The following RPS6KA2 variants were observed in gnomAD, a reference collection of about 807,000 sequenced individuals.
RPS6KA2 encodes the protein ribosomal protein S6 kinase alpha-2.
A neutral mutation model predicts 91.8 loss-of-function variants in RPS6KA2; 42 were observed. The ratio of observed to expected loss-of-function variants is 0.46; its 90% CI spans 0.36 to 0.59. The LOEUF (loss-of-function observed/expected upper bound fraction) is 0.59. RPS6KA2 is among the 20% of genes least tolerant of loss of function. The probability of loss-of-function intolerance (pLI) is 0.00; values close to 1 mark genes in which losing one functional copy is unlikely to be tolerated. For missense variants in RPS6KA2, 798 were observed against 978.5 expected, an observed-to-expected ratio of 0.82 and a Z score of 2.46; for synonymous variants, 414 against 393.6, an observed-to-expected ratio of 1.05 and a Z score of -0.61.
At chr6:166,690,569 T>G (rs1378986247) in intron 2 of RPS6KA2, among the ~76,000 whole-genome samples, 1 of 152,140 alleles carries the variant, frequency 6.6e-6, no homozygotes, top group African/African-American at 2.4e-5. Flanking sequence ...GCGTCGGAAC[T>G]CCAGGCGTCC....
rs935975039 is a variant in RPS6KA2, at chr6:166,433,529, G to A, written c.1333-1039C>T. On this transcript the variant is annotated intron_variant, in intron 14 of 20. Transcript: ENST00000265678. The surrounding 1 kb of genome is among the most constrained non-coding windows in gnomAD (Gnocchi z 4.4). ...AGGGCACCACACTCATGGGAAATTG[G>A]CAACATGCAACATGTATTTTGCAAA... 1.3e-5 allele frequency among the ~76,000 whole-genome samples: 2 copies of A among 152,172 alleles called. No individual in the cohort carries two copies. Among genetic ancestry groups the A allele is most frequent in the Non-Finnish European group, 2.9e-5 (2 of 68,032 alleles).
At chr6:166,503,333 G>T (rs751730908) in intron 6 of RPS6KA2, among the ~76,000 whole-genome samples, 1 of 152,278 alleles carries the variant, frequency 6.6e-6, no homozygotes, top group African/African-American at 2.4e-5. Context: ...GATATGGGAT[G>T]TGACCTGGTT....
chr6:166,487,546 T>G (rs1344504863), intron 10 of RPS6KA2, among the ~76,000 whole-genome samples: 1 of 152,110 alleles, frequency 6.6e-6, no homozygotes, highest in East Asian at 1.9e-4. Context: ...AAATATCTGC[T>G]TACACAGAGG....
chr6:166,726,112 A>T lies in RPS6KA2; in HGVS notation c.123+132088T>A, dbSNP rs1790330163. Among the ~76,000 whole-genome samples, 1 of 148,082 alleles carries T rather than the reference A, an allele frequency of 6.8e-6. No individual in the cohort carries two copies. The highest frequency in any genetic ancestry group is 2.6e-5 in the African/African-American group (1 of 38,390). ...TTTTAGGTCCTACAGAAATGCCCTT[A>T]GGCTACAATATAGAAGATTTTTTTT... On this transcript the variant is annotated intron_variant, in intron 2 of 21. Coordinates refer to the RPS6KA2 transcript ENST00000503859. The surrounding 1 kb of genome is among the most constrained non-coding windows in gnomAD (Gnocchi z 4.4).
chr6:166,568,414 G>A (rs1784568698), intron 1 of RPS6KA2, among the ~76,000 whole-genome samples: 1 of 152,000 alleles, frequency 6.6e-6, no homozygotes, highest in Admixed American at 6.5e-5. Context: ...AGGAATTCGA[G>A]ACCAGCCTGG....
intron 2 of RPS6KA2, among the ~76,000 whole-genome samples, chr6:166,687,002 C>T (rs1789042243): frequency 6.6e-6 from 1 of 152,222 alleles, no homozygotes; most frequent in Non-Finnish European, 1.5e-5. Context: ...CTGTCTGCGC[C>T]CATTCTCCAT....
intron 16 of RPS6KA2, among the ~76,000 whole-genome samples, chr6:166,424,719 C>A (rs1778847571): frequency 6.6e-6 from 1 of 152,202 alleles, no homozygotes; most frequent in Non-Finnish European, 1.5e-5. Flanking sequence ...CAGCCTGGAT[C>A]ACGGTGAGGC....
intron 2 of RPS6KA2, among the ~76,000 whole-genome samples, chr6:166,695,027 G>C (rs775878743): frequency 2.6e-5 from 4 of 152,216 alleles, no homozygotes; most frequent in Non-Finnish European, 5.9e-5. Context: ...GTGAGGAAGA[G>C]AGATGCTATC....
In RPS6KA2 at chr6:166,517,630, C is replaced by T. The variant is rs568226974; in HGVS notation, c.299-7273G>A. The stretch of plus-strand genomic sequence containing the variant: ...AGCTGGGACTACAGGCGCCCGCCAC[C>T]GCGCCCGGCTAATTTTTTGTATTTT... On this transcript the variant is annotated intron_variant, in intron 3 of 20. Coordinates refer to ENST00000265678, the MANE Select transcript of RPS6KA2 (RefSeq NM_021135.6). Among the ~76,000 whole-genome samples the T allele has an allele frequency of 8.2e-4, 124 of 151,434 alleles. 2 individuals are homozygous for T. The East Asian group carries it at 0.02, about 24-fold the overall frequency.
chr6:166,742,298 GA>G (rs1321876180), intron 2 of RPS6KA2, among the ~76,000 whole-genome samples: 1 of 152,200 alleles, frequency 6.6e-6, no homozygotes, highest in Non-Finnish European at 1.5e-5. Flanking sequence ...AGCTCAAGAA[GA>G]AATCTCTTCA....
chr6:166,532,290 C>A (rs1326376932), intron 2 of RPS6KA2, among the ~76,000 whole-genome samples: 2 of 152,232 alleles, frequency 1.3e-5, no homozygotes, highest in African/African-American at 2.4e-5. Context: ...AGGGACATGG[C>A]TGGGACCTTT....
At chr6:166,775,654 G>T (rs1778596624) in intron 2 of RPS6KA2, among the ~76,000 whole-genome samples, 1 of 152,230 alleles carries the variant, frequency 6.6e-6, no homozygotes, top group Non-Finnish European at 1.5e-5. Context: ...TGAAGTATCA[G>T]CTACCTGAGG....
rs182683780 is a variant in RPS6KA2, at chr6:166,734,470, C to T, written c.123+123730G>A. Among the ~76,000 whole-genome samples the T allele has an allele frequency of 3.3e-4, 50 of 152,312 alleles. 1 individual carries two copies. The highest frequency in any genetic ancestry group is 1.5e-5 in the Non-Finnish European group (1 of 68,032). On this transcript the variant is annotated intron_variant, in intron 2 of 21. Transcript: ENST00000503859. ...CTATCAGCAAGCCATCACCATCTTA[C>T]CATCCAATGGTATATAATTACTCTG...
intron 2 of RPS6KA2, chr6:166,702,328 C>G: frequency 1.2e-6 from 2 of 1,613,430 alleles, no homozygotes; most frequent in Non-Finnish European, 1.7e-6. Context: ...GACCTCGGGG[C>G]TGCAGAAAGG....
At chr6:166,804,848 A>G (rs1322495509) in intron 2 of RPS6KA2, among the ~76,000 whole-genome samples, 1 of 152,222 alleles carries the variant, frequency 6.6e-6, no homozygotes, top group Non-Finnish European at 1.5e-5. Flanking sequence ...AATCTTTTAA[A>G]AGCATTCCAA....
In RPS6KA2 at chr6:166,854,095, G is replaced by A. The variant is rs572316761; in HGVS notation, c.123+4105C>T. 5.3e-5 allele frequency among the ~76,000 whole-genome samples: 8 copies of A among 152,320 alleles called. No individual in the cohort carries two copies. In the South Asian group the frequency reaches 1.0e-3, roughly 20 times the overall value. On this transcript the variant is annotated intron_variant, in intron 2 of 21. Transcript: ENST00000503859. Reference sequence around the variant, plus strand: ...GATGCCTGCCTCTGATGCGTCAGATGAAATTAGACCAAGAATCCACCCATC... The same window carrying A: ...GATGCCTGCCTCTGATGCGTCAGATAAAATTAGACCAAGAATCCACCCATC...
At chr6:166,809,841 C>T (rs16899505) in intron 2 of RPS6KA2, among the ~76,000 whole-genome samples, 2,302 of 152,290 alleles carry the variant, frequency 0.015, 43 homozygotes, top group African/African-American at 0.05. Context: ...ACGTGTTCAA[C>T]GCAGGCCCAT....
At chr6:166,781,600 T>C (rs7753731) in intron 2 of RPS6KA2, among the ~76,000 whole-genome samples, 32,694 of 152,044 alleles carry the variant, frequency 0.22, 4,312 homozygotes, top group African/African-American at 0.37. Flanking sequence ...GAGGGGCTGC[T>C]CATGTCCCGT....
At chr6:166,854,341 C>A (rs6456129) in intron 2 of RPS6KA2, among the ~76,000 whole-genome samples, 129,963 of 152,176 alleles carry the variant, frequency 0.85, 56,703 homozygotes, top group East Asian at 0.96. Context: ...CCTAGATATC[C>A]TATGTGAGCT....
Sources: gnomAD v4.1 joint callset for allele counts (sites outside exome capture counted in the v4.1 genomes callset) on GRCh38, gnomAD v4.1.1 for gene constraint, Gnocchi (gnomAD v3.1) non-coding constraint, MANE v1.5 for transcripts, NCBI Gene and HGNC (gene_info 2026-07-23, HGNC 2026-07-21) for gene names.